The following ARHGEF1 variants were observed in gnomAD, a reference collection of about 807,000 sequenced individuals.
The protein encoded by ARHGEF1 is 115 kDa guanine nucleotide exchange factor.
ARHGEF1 carries 40 observed loss-of-function variants against 119.7 expected under a neutral mutation model. The ratio of observed to expected loss-of-function variants is 0.33; its 90% CI spans 0.26 to 0.44. The LOEUF is 0.44. Among genes scored for constraint, ARHGEF1 ranks in the 20% least tolerant of loss-of-function variants. The pLI is 1.00. For missense variants in ARHGEF1, 976 were observed against 1,268.3 expected (o/e 0.77, Z 3.50); for synonymous variants, 494 against 521.0 (o/e 0.95, Z 0.71).
intron 12 of ARHGEF1, among the ~76,000 whole-genome samples, chr19:41,896,133 TG>T (rs1456318594): frequency 6.6e-6 from 1 of 152,144 alleles, no homozygotes; most frequent in African/African-American, 2.4e-5. Flanking sequence ...TTGCTAGGCC[TG>T]GGGTCCCCAT....
In ARHGEF1 at chr19:41,906,365, C is replaced by T; in HGVS notation, c.2492-92C>T. 7.5e-7 allele frequency: 1 copy of T among 1,325,918 alleles called. No individual in the cohort carries two copies. The allele number at this position is 1,325,918 out of a possible 1,614,324, so 82.1% of individuals were successfully genotyped here. On this transcript the variant is annotated intron_variant, in intron 26 of 28. Coordinates refer to ENST00000354532, the MANE Select transcript of ARHGEF1 (RefSeq NM_004706.4). The surrounding 1 kb of genome is among the most constrained non-coding windows in gnomAD (Gnocchi z 4.5). ...CTTGCCTGGCACCCACCTTCACCTC[C>T]AGCCCCTACACATCCCCTTTGGAAT...
rs781855688 is a variant in ARHGEF1 at position 41,906,801 on chromosome 19, A to G, written c.*15A>G. On this transcript the variant is annotated splice_region_variant and 3_prime_UTR_variant, in exon 28 of 29. Transcript: ENST00000354532. This position sits in a 1 kb window ranked among gnomAD's most constrained non-coding sequence, Gnocchi z 4.5. ...GCTGCACTTGAGGTTCCCGCCCAGG[A>G]AGGTGAGTGGGGCACCTGGGGGCCA... 1 of 1,605,452 alleles carries G rather than the reference A, an allele frequency of 6.2e-7. No homozygotes were observed. The highest frequency in any genetic ancestry group is 1.7e-5 in the Admixed American group (1 of 58,550).
intron 10 of ARHGEF1, 33 bp from the exon 11 acceptor site, chr19:41,894,593 T>A: frequency 6.2e-7 from 1 of 1,614,026 alleles, no homozygotes; most frequent in Non-Finnish European, 8.5e-7. Context: ...CCCCAGCTGC[T>A]CCCACTCACT....
rs1555850473 is a variant in ARHGEF1, at chr19:41,907,185, C to A, written c.*98C>A. On this transcript the variant is annotated 3_prime_UTR_variant, in exon 29 of 29. Transcript: ENST00000354532. Reference sequence around the variant, plus strand: ...CACACAGCTGCCGCAGCATCTCACACCCCGAGGGCCTGAGGAGAGGGAGCT... The same window carrying A: ...CACACAGCTGCCGCAGCATCTCACAACCCGAGGGCCTGAGGAGAGGGAGCT... 17 of 1,525,804 alleles carry A rather than the reference C, an allele frequency of 1.1e-5. No individual in the cohort carries two copies. The highest frequency in any genetic ancestry group is 1.4e-5 in the Non-Finnish European group (16 of 1,142,764). 94.5% of individuals were successfully genotyped at this position (1,525,804 alleles called of 1,614,324 possible).
At chr19:41,909,511 G>A (rs1555851086), downstream of ARHGEF1, 1 of 1,248,596 alleles carries the variant, frequency 8.0e-7, no homozygotes, top group Non-Finnish European at 1.0e-6. The surrounding 1 kb of genome is among the most constrained non-coding windows in gnomAD (Gnocchi z 5.2). Flanking sequence ...TGCAGGGGGA[G>A]CCCTGGGGCG....
At chr19:41,896,352 C>T in intron 12 of ARHGEF1, 25 bp from the exon 13 acceptor site, 1 of 1,275,358 alleles carries the variant, frequency 7.8e-7, no homozygotes, top group Non-Finnish European at 1.0e-6. Flanking sequence ...GCCTTCCAGC[C>T]AGCCCTGCTC....
upstream of ARHGEF1, among the ~76,000 whole-genome samples, chr19:41,920,700 CAT>C (rs782270756): frequency 3.6e-4 from 55 of 152,382 alleles, no homozygotes; most frequent in Non-Finnish European, 7.1e-4. Flanking sequence ...GTCACACAGT[CAT>C]GTGCACATGC....
rs2123475451 is a variant in ARHGEF1 at position 41,898,467 on chromosome 19, C to T, written c.1147C>T (p.Pro383Ser). 1.3e-6 allele frequency: 2 copies of T among 1,547,402 alleles called. No homozygotes were observed. The highest frequency in any genetic ancestry group is 1.2e-5 in the South Asian group (1 of 83,548). ...ESPEPGDEGE[P>S]GRSGLELEPE... ...CCCCGAGCCTGGAGATGAGGGGGAG[C>T]CGGGGCGGTCGGGACTGGAGCTTGA... The change falls in exon 14 of 29, where the codon CCG becomes TCG. Residue 383 changes from proline (P) to serine (S), a missense_variant. By Grantham distance (74) the Pro-to-Ser change is moderately conservative. This residue lies in a region of ARHGEF1 where 519 missense variants were observed against 580.9 expected (regional missense o/e 0.89). Coordinates refer to ENST00000354532, the MANE Select transcript of ARHGEF1 (RefSeq NM_004706.4).
Position 41,888,992 on chromosome 19 carries a change from AT to A in ARHGEF1, c.225+128del. ...GCAGATCTAGAACACAGAGAGCCAG[AT>A]CTAGAAAGAGAGAATGCTTTAGACA... On this transcript the variant is annotated intron_variant, in intron 4 of 28. Transcript: ENST00000354532. This position sits in a 1 kb window ranked among gnomAD's most constrained non-coding sequence, Gnocchi z 5.1. 1 of 759,306 alleles carries A rather than the reference AT, an allele frequency of 1.3e-6. No homozygotes were observed. Among genetic ancestry groups the A allele is most frequent in the Non-Finnish European group, 2.1e-6 (1 of 475,988 alleles). 47.0% of individuals were successfully genotyped at this position (759,306 alleles called of 1,614,324 possible).
intron 1 of ARHGEF1, among the ~76,000 whole-genome samples, chr19:41,885,572 C>A (rs2074282197): frequency 6.6e-6 from 1 of 151,748 alleles, no homozygotes; most frequent in African/African-American, 2.4e-5. Context: ...AGCGATTCTC[C>A]TGCCTCAGCC....
intron 14 of ARHGEF1, among the ~76,000 whole-genome samples, chr19:41,900,199 T>C (rs1429116913): frequency 6.6e-6 from 1 of 152,136 alleles, no homozygotes; most frequent in Non-Finnish European, 1.5e-5. Context: ...CCAAGCATAG[T>C]GGCGCATGCC....
Position 41,907,213 on chromosome 19 carries a change from G to A in ARHGEF1, c.*126G>A. On this transcript the variant is annotated 3_prime_UTR_variant, in exon 29 of 29. Coordinates refer to ENST00000354532, the MANE Select transcript of ARHGEF1 (RefSeq NM_004706.4). ...CGAGGGCCTGAGGAGAGGGAGCTGT[G>A]GGCCACGCCTGGGAGGGGCCCAGCT... The A allele has an allele frequency of 6.6e-7, 1 of 1,519,172 alleles. No individual in the cohort carries two copies. The highest frequency in any genetic ancestry group is 8.8e-7 in the Non-Finnish European group (1 of 1,139,084). The allele number at this position is 1,519,172 out of a possible 1,614,324, so 94.1% of individuals were successfully genotyped here.
chr19:41,909,348 G>A, downstream of ARHGEF1: 1 of 1,235,902 alleles, frequency 8.1e-7, no homozygotes, highest in South Asian at 4.1e-5. The surrounding 1 kb of genome is among the most constrained non-coding windows in gnomAD (Gnocchi z 5.2). Flanking sequence ...AGAGTGGGGA[G>A]CCAGTGGCAG....
chr19:41,898,399 G>C, intron 13 of ARHGEF1, 43 bp from the exon 14 acceptor site: 1 of 1,549,276 alleles, frequency 6.5e-7, no homozygotes. Context: ...GCTGCTTCTT[G>C]GGATGGCCCA....
downstream of ARHGEF1, chr19:41,908,755 T>G (rs1218050361): frequency 1.5e-6 from 1 of 688,490 alleles, no homozygotes; most frequent in Admixed American, 4.3e-5. This position sits in a 1 kb window ranked among gnomAD's most constrained non-coding sequence, Gnocchi z 6.7. Flanking sequence ...CCCTGCCATA[T>G]CCCACCCCAT....
At chr19:41,915,031 C>A (rs1260270602) in intron 18 of ARHGEF1, among the ~76,000 whole-genome samples, 2 of 105,854 alleles carry the variant, frequency 1.9e-5, no homozygotes, top group African/African-American at 4.2e-5. Context: ...CCCTGTCCCG[C>A]GTCTCTCCAG....
rs1372259086 is a variant in ARHGEF1, at chr19:41,889,877, G to GT, written c.225+1013dup. The GT allele has an allele frequency of 6.6e-6, 1 of 152,222 alleles. No individual in the cohort carries two copies. Among genetic ancestry groups the GT allele is most frequent in the African/African-American group, 2.4e-5 (1 of 41,436 alleles). The allele number at this position is 152,222 out of a possible 1,614,324, so 9.4% of individuals were successfully genotyped here. A position where few individuals can be genotyped will look rare whatever the true frequency, so the allele number is the denominator to read the frequency against. On this transcript the variant is annotated intron_variant, in intron 4 of 28. Coordinates refer to ENST00000354532, the MANE Select transcript of ARHGEF1 (RefSeq NM_004706.4). This position sits in a 1 kb window ranked among gnomAD's most constrained non-coding sequence, Gnocchi z 4.0. ...AGACTCTGGCCCTCTGAGCAAGGGA[G>GT]TCCCCTATTCAAGCCTTGGGGTTTC...
In ARHGEF1 at chr19:41,894,448, C is replaced by T. The variant is rs374846976; in HGVS notation, c.745-3C>T. The T allele has an allele frequency of 1.7e-5, 26 of 1,553,032 alleles. No individual in the cohort carries two copies. Among genetic ancestry groups the T allele is most frequent in the Admixed American group, 7.5e-5 (4 of 53,202 alleles). On this transcript the variant is annotated splice_region_variant and splice_polypyrimidine_tract_variant and intron_variant, in intron 9 of 28. Transcript: ENST00000354532. ...CCTGGTCTTCCTCCCCGCCCTCTCACAGGTGATGGGGAACCGGCGGTCGGA... is the reference window on the plus strand; with the variant it reads ...CCTGGTCTTCCTCCCCGCCCTCTCATAGGTGATGGGGAACCGGCGGTCGGA...
chr19:41,884,365 G>GC, intron 1 of ARHGEF1: 1 of 1,509,846 alleles, frequency 6.6e-7, no homozygotes, highest in Non-Finnish European at 9.0e-7. Context: ...AGGAGGAGTG[G>GC]AGCTGGGCGC....
Sources: gnomAD v4.1 joint callset for allele counts (sites outside exome capture counted in the v4.1 genomes callset) on GRCh38, gnomAD v4.1.1 for gene constraint, gnomAD v4.1.1 regional missense constraint, Gnocchi (gnomAD v3.1) non-coding constraint, MANE v1.5 for transcripts, NCBI Gene and HGNC (gene_info 2026-07-23, HGNC 2026-07-21) for gene names.